TULP2: variants seen among roughly 807,000 people sequenced by gnomAD.
TULP2 encodes TUB like protein 2.
In TULP2, 64 loss-of-function variants were observed where a neutral mutation model predicts 60.3. The ratio of observed to expected loss-of-function variants is 1.06; its 90% CI spans 0.87 to 1.31. The LOEUF is 1.31. Ranked by LOEUF, TULP2 falls within the 50% of genes most tolerant of loss-of-function variation. The probability of loss-of-function intolerance (pLI) is 0.00; values close to 1 mark genes in which losing one functional copy is unlikely to be tolerated. For missense variants in TULP2, 652 were observed against 667.0 expected, an observed-to-expected ratio of 0.98 and a Z score of 0.25; for synonymous variants, 267 against 265.4, an observed-to-expected ratio of 1.01 and a Z score of -0.06.
At chr19:48,896,776 C>G (rs1184186209) in intron 3 of TULP2, 1 of 484,882 alleles carries the variant, frequency 2.1e-6, no homozygotes, top group African/African-American at 2.0e-5. Flanking sequence ...TCTCATCCCC[C>G]AGGACCCAGG....
intron 9 of TULP2, 90 bp from the exon 10 acceptor site, chr19:48,884,136 C>T: frequency 9.6e-7 from 1 of 1,045,980 alleles, no homozygotes; most frequent in East Asian, 2.5e-5. Flanking sequence ...TCCCATCAAT[C>T]CCCTATGTCT....
rs2037201977 is a variant in TULP2, at chr19:48,888,241, C to G, written c.657G>C (p.Lys219Asn). 3.1e-6 allele frequency: 5 copies of G among 1,594,072 alleles called. No individual in the cohort carries two copies. The highest frequency in any genetic ancestry group is 4.3e-6 in the Non-Finnish European group (5 of 1,165,918). ...AFQKEEDLEKKREASESTGTN... is the reference protein window; with the variant it reads ...AFQKEEDLEKNREASESTGTN... ...TCCCTGTAGACTCAGAGGCCTCTCT[C>G]TTCTTTTCCAAGTCTTCTTCCTAGC... Residue 219 changes from lysine to asparagine, a missense_variant, in exon 8 of 13, where the codon AAG becomes AAC. By Grantham distance (94) the Lys-to-Asn change is moderately conservative. Transcript: ENST00000221399.
In TULP2 at chr19:48,896,535, GCTT is replaced by G; in HGVS notation, c.103_105del (p.Lys35del). The G allele has an allele frequency of 6.2e-7, 1 of 1,602,132 alleles. No individual in the cohort carries two copies. ...AGGAGCTCCTGGCGCTTCTGTCGCT[GCTT>G]CTTTTCAAACAGCCGCCGCTGGGGA... On this transcript the variant is annotated inframe_deletion, in exon 4 of 13. Transcript: ENST00000221399.
At chr19:48,891,205 T>C (rs2037229617) in intron 6 of TULP2, among the ~76,000 whole-genome samples, 1 of 150,094 alleles carries the variant, frequency 6.7e-6, no homozygotes, top group Non-Finnish European at 1.5e-5. Context: ...GCGCCTGTAG[T>C]CCCAGCTACT....
intron 11 of TULP2, 52 bp from the exon 12 acceptor site, chr19:48,882,255 T>G (rs757768936): frequency 1.3e-5 from 21 of 1,604,948 alleles, no homozygotes; most frequent in Non-Finnish European, 1.8e-5. Context: ...CGAAACTCCA[T>G]CTTGAACAGG....
chr19:48,883,936 C>T lies in TULP2; in HGVS notation c.1172G>A (p.Cys391Tyr). Residue 391 changes from cysteine to tyrosine, a missense_variant, in exon 10 of 13, where the codon TGT (cysteine) becomes TAT (tyrosine). Transcript: ENST00000221399. ...ARIRQELGAVCYEPNVLGYLG... is the reference protein window; with the variant it reads ...ARIRQELGAVYYEPNVLGYLG... ...TCTCATCCCCAGGACACTCACATAA[C>T]ACACAGCCCCCAGCTCCTGTCTGAT... is the stretch of plus-strand genomic sequence containing the variant. 2 of 1,614,058 alleles carry T rather than the reference C, an allele frequency of 1.2e-6. No homozygotes were observed. Among genetic ancestry groups the T allele is most frequent in the Non-Finnish European group, 1.7e-6 (2 of 1,179,978 alleles).
intron 9 of TULP2, 26 bp from the exon 10 acceptor site, chr19:48,884,072 A>G: frequency 6.3e-7 from 1 of 1,581,122 alleles, no homozygotes; most frequent in Non-Finnish European, 8.7e-7. Context: ...AATGGATAGA[A>G]TAAAAATACT....
chr19:48,892,465 A>G (rs2122135866), intron 6 of TULP2, among the ~76,000 whole-genome samples: 1 of 152,112 alleles, frequency 6.6e-6, no homozygotes, highest in South Asian at 2.1e-4. Context: ...TTGGGACAAG[A>G]GTTGCAGATT....
Position 48,883,940 on chromosome 19 carries a change from C to T in TULP2, c.1168G>A (p.Val390Met), listed in dbSNP as rs143075530. 4.2e-5 allele frequency: 67 copies of T among 1,613,978 alleles called. No individual in the cohort carries two copies. The highest frequency in any genetic ancestry group is 5.3e-5 in the Non-Finnish European group (62 of 1,179,994). Reference sequence around the variant, plus strand: ...ATCCCCAGGACACTCACATAACACACAGCCCCCAGCTCCTGTCTGATCCGG... The same window carrying T: ...ATCCCCAGGACACTCACATAACACATAGCCCCCAGCTCCTGTCTGATCCGG... ...TARIRQELGA[V>M]CYEPNVLGYL... is the part of the protein sequence containing the mutation. Residue 390 changes from valine (V) to methionine (M), a missense_variant, in exon 10 of 13, where the codon GTG (valine) becomes ATG (methionine). Coordinates refer to ENST00000221399, the MANE Select transcript of TULP2 (RefSeq NM_003323.3).
At chr19:48,898,517 C>CA (rs1299747225) in intron 1 of TULP2, 73 bp downstream of exon 1, 1 of 152,168 alleles carries the variant, frequency 6.6e-6, no homozygotes, top group Non-Finnish European at 1.5e-5. Context: ...TTGTTCTCCT[C>CA]ACCAGGTGCC....
At chr19:48,882,993 G>C (rs913265130) in intron 11 of TULP2, among the ~76,000 whole-genome samples, 9 of 152,210 alleles carry the variant, frequency 5.9e-5, no homozygotes, top group African/African-American at 2.2e-4. Flanking sequence ...GCCGAGGCGG[G>C]TGAATCACGA....
At chr19:48,896,285 C>T in intron 4 of TULP2, 145 bp downstream of exon 4, 5 of 1,248,518 alleles carry the variant, frequency 4.0e-6, no homozygotes, top group Non-Finnish European at 5.4e-6. Flanking sequence ...AGGCCCTGTT[C>T]TAAAGCTCTC....
intron 9 of TULP2, among the ~76,000 whole-genome samples, chr19:48,884,736 C>T (rs1272657759): frequency 1.3e-5 from 2 of 151,748 alleles, no homozygotes; most frequent in Admixed American, 1.3e-4. Context: ...CGCCATCGCA[C>T]TCCAGCCTGG....
intron 4 of TULP2, 61 bp downstream of exon 4, chr19:48,896,369 G>GCCCACAGA: frequency 6.8e-7 from 1 of 1,460,064 alleles, no homozygotes; most frequent in Non-Finnish European, 9.1e-7. Flanking sequence ...ACTAGGCCCC[G>GCCCACAGA]CCCACAGACT....
chr19:48,896,385 A>C, intron 4 of TULP2, 45 bp downstream of exon 4: 1 of 1,547,584 alleles, frequency 6.5e-7, no homozygotes, highest in Non-Finnish European at 8.7e-7. Flanking sequence ...AGACTCCCAC[A>C]GGCCCCTCCC....
chr19:48,883,153 A>G (rs1489606175), intron 11 of TULP2, among the ~76,000 whole-genome samples: 1 of 151,210 alleles, frequency 6.6e-6, no homozygotes, highest in Non-Finnish European at 1.5e-5. Flanking sequence ...GGGGAGGTCG[A>G]GCTTGCAGTG....
At chr19:48,896,717 C>G (rs887148960) in intron 3 of TULP2, 161 bp from the exon 4 acceptor site, 9 of 829,726 alleles carry the variant, frequency 1.1e-5, no homozygotes, top group Non-Finnish European at 1.6e-5. Flanking sequence ...AGCAGCTCCT[C>G]CCTTATTCCA....
chr19:48,888,258 C>T lies in TULP2; in HGVS notation c.640G>A (p.Glu214Lys). ...GCCTCTCTCTTCTTTTCCAAGTCTT[C>T]TTCCTAGCCCAGGCACCAAATTTAA... ...VYENLAFQKE[E>K]DLEKKREASE... The change falls in exon 8 of 13, where the codon GAA becomes AAA. Residue 214 changes from glutamate (E) to lysine (K), a missense_variant. By Grantham distance (56) the Glu-to-Lys change is moderately conservative. Transcript: ENST00000221399. The T allele has an allele frequency of 6.3e-7, 1 of 1,582,218 alleles. No homozygotes were observed. Among genetic ancestry groups the T allele is most frequent in the Non-Finnish European group, 8.6e-7 (1 of 1,160,066 alleles).
At chr19:48,884,070 G>A in intron 9 of TULP2, 24 bp from the exon 10 acceptor site, 2 of 1,586,322 alleles carry the variant, frequency 1.3e-6, no homozygotes, top group East Asian at 2.2e-5. Context: ...GGAATGGATA[G>A]AATAAAAATA....
Sources: gnomAD v4.1 joint callset for allele counts (sites outside exome capture counted in the v4.1 genomes callset) on GRCh38, gnomAD v4.1.1 for gene constraint, MANE v1.5 for transcripts, NCBI Gene and HGNC (gene_info 2026-07-23, HGNC 2026-07-21) for gene names.